The following OR2C3 variants were observed in gnomAD, a reference collection of about 807,000 sequenced individuals.
OR2C3 encodes the protein olfactory receptor 2C3.
For missense variants in OR2C3, 425 were observed against 401.5 expected, an observed-to-expected ratio of 1.06 and a Z score of -0.50; for synonymous variants, 178 against 163.4, an observed-to-expected ratio of 1.09 and a Z score of -0.68.
Position 247,536,249 on chromosome 1 carries a change from A to G in OR2C3, c.-483T>C, listed in dbSNP as rs1454563124. On this transcript the variant is annotated 5_prime_UTR_variant, in exon 1 of 3. Transcript: ENST00000641802. The stretch of plus-strand genomic sequence containing the variant: ...GGGCAATATTTTATTAAAAAGACTG[A>G]TAACATTCATGAATTCAATGCGTGT... 1 of 152,208 alleles carries G rather than the reference A, an allele frequency of 6.6e-6. No homozygotes were observed. The highest frequency in any genetic ancestry group is 2.4e-5 in the African/African-American group (1 of 41,454). 9.4% of individuals were successfully genotyped at this position (152,208 alleles called of 1,614,324 possible).
In OR2C3 at chr1:247,527,082, C is replaced by T. The variant is rs1467173328; in HGVS notation, c.*4467G>A. 8.8e-6 allele frequency: 4 copies of T among 456,378 alleles called. No homozygotes were observed. Among genetic ancestry groups the T allele is most frequent in the Non-Finnish European group, 1.8e-5 (4 of 226,918 alleles). The allele number at this position is 456,378 out of a possible 1,614,324, so 28.3% of individuals were successfully genotyped here. A position where few individuals can be genotyped will look rare whatever the true frequency, so the allele number is the denominator to read the frequency against. ...ACAAATCACATTTCAAGTGTATTTC[C>T]TTGGGTTCTGGAGAGGATGTCTTCA... is the stretch of plus-strand genomic sequence containing the variant. On this transcript the variant is annotated 3_prime_UTR_variant, in exon 3 of 3. Coordinates refer to ENST00000641802, the MANE Select transcript of OR2C3 (RefSeq NM_198074.6). The surrounding 1 kb of genome is among the most constrained non-coding windows in gnomAD (Gnocchi z 4.6).
rs757162710 is a variant in OR2C3, at chr1:247,530,200, A to G, written c.*1349T>C. 6 of 152,192 alleles carry G rather than the reference A, an allele frequency of 3.9e-5. No individual in the cohort carries two copies. The highest frequency in any genetic ancestry group is 3.3e-4 in the Admixed American group (5 of 15,274). The allele number at this position is 152,192 out of a possible 1,614,324, so 9.4% of individuals were successfully genotyped here. ...ACATATATATAATAAAATCAAAAACAGGAACTGCCACATGGTTTTGGTCTT... is the reference window on the plus strand; with the variant it reads ...ACATATATATAATAAAATCAAAAACGGGAACTGCCACATGGTTTTGGTCTT... On this transcript the variant is annotated 3_prime_UTR_variant, in exon 3 of 3. Coordinates refer to ENST00000641802, the MANE Select transcript of OR2C3 (RefSeq NM_198074.6).
intron 2 of OR2C3, 49 bp from the exon 3 acceptor site, chr1:247,532,589 C>T (rs1056144695): frequency 8.5e-6 from 11 of 1,289,184 alleles, no homozygotes; most frequent in East Asian, 7.0e-5. Flanking sequence ...GAAGCAATTA[C>T]ATCAGTTAGC....
In OR2C3 at chr1:247,527,756, A is replaced by G. The variant is rs1032519617; in HGVS notation, c.*3793T>C. 6.6e-6 allele frequency: 1 copy of G among 152,198 alleles called. No homozygotes were observed. The highest frequency in any genetic ancestry group is 2.4e-5 in the African/African-American group (1 of 41,436). The allele number at this position is 152,198 out of a possible 1,614,324, so 9.4% of individuals were successfully genotyped here. ...TTTCTTCGTGCTGGGAACATTCAAT[A>G]TCCTCCTTCTAGCTGTTTGAAAATA... is the stretch of plus-strand genomic sequence containing the variant. On this transcript the variant is annotated 3_prime_UTR_variant, in exon 3 of 3. Transcript: ENST00000641802. This position sits in a 1 kb window ranked among gnomAD's most constrained non-coding sequence, Gnocchi z 4.6.
At position 247,529,850 on chromosome 1, in the gene OR2C3, G is replaced by C. The variant is rs1666844997; in HGVS notation, c.*1699C>G. On this transcript the variant is annotated 3_prime_UTR_variant, in exon 3 of 3. Transcript: ENST00000641802. ...GTTGAAAGCCTTAAGAGAAAAGACTGACCTGCTTCCAAAAAGAGGGAATTT... is the reference window on the plus strand; with the variant it reads ...GTTGAAAGCCTTAAGAGAAAAGACTCACCTGCTTCCAAAAAGAGGGAATTT... 6.6e-6 allele frequency: 1 copy of C among 150,686 alleles called. No individual in the cohort carries two copies. Among genetic ancestry groups the C allele is most frequent in the South Asian group, 2.1e-4 (1 of 4,784 alleles). The allele number at this position is 150,686 out of a possible 1,614,324, so 9.3% of individuals were successfully genotyped here.
In OR2C3 at chr1:247,533,851, A is replaced by G. The variant is rs1572323329; in HGVS notation, c.-374T>C. On this transcript the variant is annotated 5_prime_UTR_variant, in exon 2 of 3. Coordinates refer to ENST00000641802, the MANE Select transcript of OR2C3 (RefSeq NM_198074.6). The stretch of plus-strand genomic sequence containing the variant: ...TCAGTTGATTTCTGTGAAATTTCAG[A>G]GGACAAAGGTGAAATTTTCCCTCAC... The G allele has an allele frequency of 1.3e-5, 2 of 152,202 alleles. No individual in the cohort carries two copies. The highest frequency in any genetic ancestry group is 2.9e-5 in the Non-Finnish European group (2 of 68,038). 9.4% of individuals were successfully genotyped at this position (152,202 alleles called of 1,614,324 possible).
Position 247,532,050 on chromosome 1 carries a change from C to G in OR2C3, c.462G>C (p.Leu154=), listed in dbSNP as rs1375438491. Residue 154 remains leucine (L), a synonymous_variant, in exon 3 of 3, where the codon CTG becomes CTC. Transcript: ENST00000641802. Reference sequence around the variant, plus strand: ...GCGTGGAGCCCACCATGCTGGTGGTCAGACCCCCCAGCCAGGAGGCCAAAG... The same window carrying G: ...GCGTGGAGCCCACCATGCTGGTGGTGAGACCCCCCAGCCAGGAGGCCAAAG... ...GLALASWLGG[L]TTSMVGSTLT... is the part of the protein sequence containing the mutation. 6.8e-6 allele frequency: 11 copies of G among 1,614,034 alleles called. No homozygotes were observed. The highest frequency in any genetic ancestry group is 9.3e-6 in the Non-Finnish European group (11 of 1,179,968).
chr1:247,531,404 T>C lies in OR2C3; in HGVS notation c.*145A>G. On this transcript the variant is annotated 3_prime_UTR_variant, in exon 3 of 3. Coordinates refer to ENST00000641802, the MANE Select transcript of OR2C3 (RefSeq NM_198074.6). ...TAAATGTATTTTCTTGGTCTGGAAA[T>C]GGCATGAGCACACTCCTTTCAGATT... 1.3e-6 allele frequency: 1 copy of C among 746,674 alleles called. No homozygotes were observed. Among genetic ancestry groups the C allele is most frequent in the South Asian group, 1.9e-5 (1 of 53,400 alleles). 46.3% of individuals were successfully genotyped at this position (746,674 alleles called of 1,614,324 possible).
At position 247,525,970 on chromosome 1, in the gene OR2C3, A is replaced by T. The variant is rs1473981776; in HGVS notation, c.*5579T>A. 1 of 152,240 alleles carries T rather than the reference A, an allele frequency of 6.6e-6. No individual in the cohort carries two copies. Among genetic ancestry groups the T allele is most frequent in the Admixed American group, 6.5e-5 (1 of 15,290 alleles). 9.4% of individuals were successfully genotyped at this position (152,240 alleles called of 1,614,324 possible). Reference sequence around the variant, plus strand: ...CAAATATATGCTTCAGAGTATATACATGTGAATACCATTTGATTTTTTATT... The same window carrying T: ...CAAATATATGCTTCAGAGTATATACTTGTGAATACCATTTGATTTTTTATT... On this transcript the variant is annotated 3_prime_UTR_variant, in exon 3 of 3. Coordinates refer to ENST00000641802, the MANE Select transcript of OR2C3 (RefSeq NM_198074.6).
In OR2C3 at chr1:247,531,370, A is replaced by G; in HGVS notation, c.*179T>C. The G allele has an allele frequency of 1.6e-6, 1 of 632,366 alleles. No individual in the cohort carries two copies. Among genetic ancestry groups the G allele is most frequent in the Non-Finnish European group, 2.7e-6 (1 of 369,018 alleles). 39.2% of individuals were successfully genotyped at this position (632,366 alleles called of 1,614,324 possible). The stretch of plus-strand genomic sequence containing the variant: ...GCAATTGAACAAAACTATGATAATT[A>G]GCAAATAATAAATGTATTTTCTTGG... On this transcript the variant is annotated 3_prime_UTR_variant, in exon 3 of 3. Transcript: ENST00000641802.
At chr1:247,535,063 G>C (rs1667161795) in intron 1 of OR2C3, among the ~76,000 whole-genome samples, 1 of 152,116 alleles carries the variant, frequency 6.6e-6, no homozygotes, top group Admixed American at 6.5e-5. Context: ...TGTATTCCTA[G>C]CACTTTGGGA....
chr1:247,532,252 C>G lies in OR2C3; in HGVS notation c.260G>C (p.Trp87Ser). ...ATAGCTTATGGTTTTCTGTGGTCCC[C>G]AGAGGTTAGCCAGGAGCTGTGGGAC... ...SIVPQLLANL[W>S]GPQKTISYGG... The change falls in exon 3 of 3, where the codon TGG becomes TCG. Residue 87 changes from tryptophan (W) to serine (S), a missense_variant. Coordinates refer to ENST00000641802, the MANE Select transcript of OR2C3 (RefSeq NM_198074.6). The G allele has an allele frequency of 1.2e-6, 2 of 1,614,198 alleles. No homozygotes were observed. The highest frequency in any genetic ancestry group is 1.7e-6 in the Non-Finnish European group (2 of 1,180,032).
At position 247,529,894 on chromosome 1, in the gene OR2C3, T is replaced by A. The variant is rs1432032248; in HGVS notation, c.*1655A>T. On this transcript the variant is annotated 3_prime_UTR_variant, in exon 3 of 3. Transcript: ENST00000641802. The stretch of plus-strand genomic sequence containing the variant: ...GGAATTTTGCCTCCAGACTTTGAAC[T>A]CAAGCTGCAACATCAACCTCTGTCA... 1 of 152,204 alleles carries A rather than the reference T, an allele frequency of 6.6e-6. No individual in the cohort carries two copies. Among genetic ancestry groups the A allele is most frequent in the Non-Finnish European group, 1.5e-5 (1 of 68,038 alleles). The allele number at this position is 152,204 out of a possible 1,614,324, so 9.4% of individuals were successfully genotyped here.
chr1:247,531,723 T>C lies in OR2C3; in HGVS notation c.789A>G (p.Pro263=). 2.5e-6 allele frequency: 4 copies of C among 1,614,188 alleles called. No homozygotes were observed. Among genetic ancestry groups the C allele is most frequent in the Non-Finnish European group, 3.4e-6 (4 of 1,180,046 alleles). ...YGSIIFMYLQ[P]AKSTSHEQGK... ...CCTGCTCATGGGAGGTGCTCTTGGCTGGCTGGAGATACATGAAGATGATGC... is the reference window on the plus strand; with the variant it reads ...CCTGCTCATGGGAGGTGCTCTTGGCCGGCTGGAGATACATGAAGATGATGC... The change falls in exon 3 of 3, where the codon CCA becomes CCG. Residue 263 remains proline, a synonymous_variant. Transcript: ENST00000641802.
intron 2 of OR2C3, 135 bp from the exon 3 acceptor site, chr1:247,532,675 T>G: frequency 7.3e-6 from 5 of 687,240 alleles, no homozygotes; most frequent in Non-Finnish European, 1.2e-5. Context: ...TTGCCCGGGC[T>G]AACTTCAAAC....
rs2103328567 is a variant in OR2C3 at position 247,528,293 on chromosome 1, A to G, written c.*3256T>C. ...ATTGTACACACTTATGGGGTGCAGT[A>G]TGATGTTTTGATACATGTATACTTG... On this transcript the variant is annotated 3_prime_UTR_variant, in exon 3 of 3. Transcript: ENST00000641802. 1.3e-5 allele frequency: 2 copies of G among 151,598 alleles called. No individual in the cohort carries two copies. Among genetic ancestry groups the G allele is most frequent in the African/African-American group, 4.8e-5 (2 of 41,294 alleles). 9.4% of individuals were successfully genotyped at this position (151,598 alleles called of 1,614,324 possible).
In OR2C3 at chr1:247,529,718, G is replaced by GT. The variant is rs57236564; in HGVS notation, c.*1830dup. ...CAAGCCTCGGTGTTACTGTGAAGGT[G>GT]TTTTTTTTTTTTTTTTTTTTTTTTT... On this transcript the variant is annotated 3_prime_UTR_variant, in exon 3 of 3. Coordinates refer to ENST00000641802, the MANE Select transcript of OR2C3 (RefSeq NM_198074.6). 423 of 108,266 alleles carry GT rather than the reference G, an allele frequency of 3.9e-3. 16 individuals are homozygous for GT. Among genetic ancestry groups the GT allele is most frequent in the African/African-American group, 0.015 (407 of 27,462 alleles). 6.7% of individuals were successfully genotyped at this position (108,266 alleles called of 1,614,324 possible).
Position 247,531,964 on chromosome 1 carries a change from G to A in OR2C3, c.548C>T (p.Pro183Leu), listed in dbSNP as rs543197980. The A allele has an allele frequency of 5.4e-5, 87 of 1,614,058 alleles. No homozygotes were observed. Among genetic ancestry groups the A allele is most frequent in the Non-Finnish European group, 7.0e-5 (83 of 1,179,996 alleles). Residue 183 changes from proline (P) to leucine (L), a missense_variant, in exon 3 of 3, where the codon CCC becomes CTC. Physicochemically the swap from Pro to Leu is moderately conservative, Grantham distance 98. Transcript: ENST00000641802. ...NCIDHFFCEM[P>L]LIMQLACVDT... ...CACACAAGCCAGTTGCATAATGAGG[G>A]GCATCTCGCAAAAGAAGTGGTCGAT... is the stretch of plus-strand genomic sequence containing the variant.
At position 247,525,424 on chromosome 1, in the gene OR2C3, A is replaced by T. The variant is rs1666641436; in HGVS notation, c.*6125T>A. On this transcript the variant is annotated 3_prime_UTR_variant, in exon 3 of 3. Transcript: ENST00000641802. ...GTGTCTGACCAGTCAATCAGCTGTAAGTCTGGGTTACCACAGCCCCCTTCT... is the reference window on the plus strand; with the variant it reads ...GTGTCTGACCAGTCAATCAGCTGTATGTCTGGGTTACCACAGCCCCCTTCT... The T allele has an allele frequency of 6.6e-6, 1 of 152,272 alleles. No homozygotes were observed. Among genetic ancestry groups the T allele is most frequent in the African/African-American group, 2.4e-5 (1 of 41,466 alleles). 9.4% of individuals were successfully genotyped at this position (152,272 alleles called of 1,614,324 possible). A position where few individuals can be genotyped will look rare whatever the true frequency, so the allele number is the denominator to read the frequency against.
Sources: allele counts gnomAD v4.1 joint callset (sites outside exome capture counted in the v4.1 genomes callset), GRCh38; gene constraint gnomAD v4.1.1; non-coding constraint Gnocchi (gnomAD v3.1); transcripts MANE v1.5; gene names NCBI Gene and HGNC (gene_info 2026-07-23, HGNC 2026-07-21).